The following SLC24A4 variants were observed in gnomAD, a reference collection of about 807,000 sequenced individuals.
SLC24A4 encodes the protein solute carrier family 24 member 4, also known as sodium/potassium/calcium exchanger 4.
A neutral mutation model predicts 79.0 loss-of-function variants in SLC24A4; 53 were observed. That is an observed-to-expected ratio of 0.67 (90% CI 0.54 to 0.84). SLC24A4 has a LOEUF of 0.84. SLC24A4 is among the 40% of genes least tolerant of loss of function. The pLI is 0.00. For missense variants in SLC24A4, 731 were observed against 822.0 expected (o/e 0.89, Z 1.35); for synonymous variants, 323 against 323.8 (o/e 1.00, Z 0.03).
At chr14:92,403,057 A>G (rs530334833) in intron 2 of SLC24A4, among the ~76,000 whole-genome samples, 1 of 152,284 alleles carries the variant, frequency 6.6e-6, no homozygotes, top group Non-Finnish European at 1.5e-5. Context: ...GGGCTCTGCC[A>G]TCTTCAACAG....
At chr14:92,449,020 A>G (rs1892974301) in intron 9 of SLC24A4, 54 bp from the exon 10 acceptor site, 7 of 1,604,662 alleles carry the variant, frequency 4.4e-6, no homozygotes, top group African/African-American at 2.7e-5. Context: ...CCCGCTGCCC[A>G]GTTGGTGGGA....
Position 92,323,883 on chromosome 14 carries a change from T to TG in SLC24A4, c.54dup (p.Leu19AlafsTer33). On this transcript the variant is annotated frameshift_variant, in exon 1 of 17. Transcript: ENST00000532405. LOFTEE classifies it high-confidence loss of function. The surrounding 1 kb of genome is among the most constrained non-coding windows in gnomAD (Gnocchi z 4.9). ...CTCAAAGTTCGCAGGAGGCGAGAGA[T>TG]GCTGCCGCAGCAAGTCGGCTTCGTG... 6.2e-7 allele frequency: 1 copy of TG among 1,605,964 alleles called. No individual in the cohort carries two copies. Among genetic ancestry groups the TG allele is most frequent in the Non-Finnish European group, 8.5e-7 (1 of 1,179,562 alleles).
At chr14:92,377,802 G>C (rs1888601284) in intron 2 of SLC24A4, among the ~76,000 whole-genome samples, 1 of 152,188 alleles carries the variant, frequency 6.6e-6, no homozygotes, top group African/African-American at 2.4e-5. Flanking sequence ...CAGGGATGGA[G>C]AAAGGGATAG....
At chr14:92,485,060 A>G (rs1050556338) in intron 13 of SLC24A4, among the ~76,000 whole-genome samples, 3 of 151,346 alleles carry the variant, frequency 2.0e-5, no homozygotes, top group Non-Finnish European at 4.4e-5. Context: ...AGCCATTTTC[A>G]CCATGAGATG....
chr14:92,382,037 C>T (rs1431538249), intron 2 of SLC24A4, among the ~76,000 whole-genome samples: 1 of 152,120 alleles, frequency 6.6e-6, no homozygotes, highest in Non-Finnish European at 1.5e-5. Flanking sequence ...AACCCACCAT[C>T]TTTCCTGCTA....
At chr14:92,439,047 A>G (rs1892344777) in intron 3 of SLC24A4, among the ~76,000 whole-genome samples, 1 of 152,260 alleles carries the variant, frequency 6.6e-6, no homozygotes, top group African/African-American at 2.4e-5. Flanking sequence ...AACCAAGGGC[A>G]GAGACCAAAT....
chr14:92,482,969 C>T, intron 13 of SLC24A4, 123 bp downstream of exon 13: 1 of 912,906 alleles, frequency 1.1e-6, no homozygotes, highest in Non-Finnish European at 1.6e-6. Flanking sequence ...TCACTGACCA[C>T]AGCGTATTTC....
intron 3 of SLC24A4, among the ~76,000 whole-genome samples, chr14:92,437,643 G>A (rs949846042): frequency 6.6e-6 from 1 of 152,190 alleles, no homozygotes; most frequent in African/African-American, 2.4e-5. Context: ...GAATGTCAAT[G>A]ACCTGTGCGT....
chr14:92,404,275 C>A (rs530773820), intron 2 of SLC24A4, among the ~76,000 whole-genome samples: 1 of 152,218 alleles, frequency 6.6e-6, no homozygotes, highest in Non-Finnish European at 1.5e-5. Flanking sequence ...TCACTATAGC[C>A]TCTTCTTATG....
chr14:92,424,140 G>T (rs901467862), intron 2 of SLC24A4, among the ~76,000 whole-genome samples: 18 of 152,070 alleles, frequency 1.2e-4, no homozygotes, highest in Non-Finnish European at 1.2e-4. Context: ...TGGATTCGGG[G>T]TCCCCTGTAA....
chr14:92,474,585 A>G (rs967549733), intron 12 of SLC24A4, among the ~76,000 whole-genome samples: 6 of 151,522 alleles, frequency 4.0e-5, no homozygotes, highest in African/African-American at 7.3e-5. Context: ...CCCGGATTCA[A>G]GCGATTCTCC....
chr14:92,442,909 G>T (rs899983513), intron 6 of SLC24A4, 93 bp downstream of exon 6: 3 of 1,043,948 alleles, frequency 2.9e-6, no homozygotes, highest in Non-Finnish European at 4.4e-6. Flanking sequence ...CAGTGGGGAC[G>T]CCCACAGGAC....
chr14:92,409,855 C>T (rs1248447685), intron 2 of SLC24A4, among the ~76,000 whole-genome samples: 1 of 152,132 alleles, frequency 6.6e-6, no homozygotes, highest in Non-Finnish European at 1.5e-5. Flanking sequence ...ACTATGCAGC[C>T]ATGTCTATGA....
intron 11 of SLC24A4, among the ~76,000 whole-genome samples, chr14:92,455,925 T>G (rs1412119484): frequency 2.6e-5 from 4 of 152,182 alleles, no homozygotes; most frequent in Non-Finnish European, 5.9e-5. Flanking sequence ...GATCTTGAAC[T>G]CCTGACCTCA....
chr14:92,413,621 A>G (rs1197480404), intron 2 of SLC24A4, among the ~76,000 whole-genome samples: 1 of 152,190 alleles, frequency 6.6e-6, no homozygotes, highest in African/African-American at 2.4e-5. Flanking sequence ...ATTCCCTTGC[A>G]GCCCTCAGCA....
At chr14:92,394,165 G>A (rs1345403612) in intron 2 of SLC24A4, among the ~76,000 whole-genome samples, 2 of 152,050 alleles carry the variant, frequency 1.3e-5, no homozygotes, top group Non-Finnish European at 2.9e-5. Flanking sequence ...AATAGGAACA[G>A]TGTTGTGACC....
At chr14:92,433,310 A>G (rs1003791932) in intron 2 of SLC24A4, among the ~76,000 whole-genome samples, 3 of 152,252 alleles carry the variant, frequency 2.0e-5, no homozygotes, top group African/African-American at 7.2e-5. Context: ...TGAGTTGCTC[A>G]GAGCTGCCTG....
intron 2 of SLC24A4, among the ~76,000 whole-genome samples, chr14:92,370,108 A>G (rs930092293): frequency 3.9e-5 from 6 of 152,256 alleles, no homozygotes; most frequent in African/African-American, 1.4e-4. Context: ...AGAAGTCTCA[A>G]AATAAGTTGA....
chr14:92,477,160 C>T (rs563816590), intron 12 of SLC24A4, among the ~76,000 whole-genome samples: 10 of 152,296 alleles, frequency 6.6e-5, no homozygotes, highest in East Asian at 1.9e-4. Flanking sequence ...CAATGTATGA[C>T]GGTTCCTATT....
Sources: allele counts gnomAD v4.1 joint callset (sites outside exome capture counted in the v4.1 genomes callset), GRCh38; gene constraint gnomAD v4.1.1; non-coding constraint Gnocchi (gnomAD v3.1); transcripts MANE v1.5; gene names NCBI Gene and HGNC (gene_info 2026-07-23, HGNC 2026-07-21).